KRT8: variants seen among roughly 807,000 people sequenced by gnomAD.
The protein encoded by KRT8 is keratin 8.
Under a neutral mutation model 43.0 loss-of-function variants are expected in KRT8, and 24 were observed. The observed-to-expected ratio is 0.56, with a 90% CI of 0.40 to 0.78. KRT8 has a LOEUF of 0.78. Among genes scored for constraint, KRT8 ranks in the 30% least tolerant of loss-of-function variants. The pLI is 0.00. For synonymous variants in KRT8, 214 were observed against 261.2 expected (o/e 0.82, Z 1.74); for missense variants, 492 against 638.4 (o/e 0.77, Z 2.47).
intron 3 of KRT8, 69 bp from the exon 4 acceptor site, chr12:52,900,752 G>A (rs918682056): frequency 1.8e-6 from 2 of 1,083,310 alleles, no homozygotes; most frequent in Admixed American, 1.7e-5. Context: ...GGCTCCCAAG[G>A]TCCACCCAAT....
chr12:52,900,514 C>A, intron 4 of KRT8, 74 bp downstream of exon 4: 1 of 921,786 alleles, frequency 1.1e-6, no homozygotes. Flanking sequence ...CTGGGAGGAG[C>A]CTCTGGTTGA....
Position 52,901,363 on chromosome 12 carries a change from C to T in KRT8, c.534-144G>A, listed in dbSNP as rs969757163. Reference sequence around the variant, plus strand: ...TGAGAAGGCTGGTCCTTCTGCCTTCCCCAGCTGCCCTCTCCACCCTCACCC... The same window carrying T: ...TGAGAAGGCTGGTCCTTCTGCCTTCTCCAGCTGCCCTCTCCACCCTCACCC... On this transcript the variant is annotated intron_variant, in intron 2 of 7. Coordinates refer to ENST00000692008, the Ensembl canonical transcript of KRT8. The T allele has an allele frequency of 2.2e-5, 16 of 712,368 alleles. No homozygotes were observed. In the African/African-American group the frequency reaches 2.4e-4, roughly 11 times the overall value. 44.1% of individuals were successfully genotyped at this position (712,368 alleles called of 1,614,324 possible).
chr12:52,941,227 C>G (rs74089285), intron 2 of KRT8, among the ~76,000 whole-genome samples: 3 of 151,548 alleles, frequency 2.0e-5, no homozygotes, highest in African/African-American at 2.4e-5. Context: ...CCACCACGCC[C>G]GTCTATAAAT....
chr12:52,949,680 C>A, intron 1 of KRT8: 2 of 1,165,670 alleles, frequency 1.7e-6, no homozygotes, highest in Non-Finnish European at 2.6e-6. Context: ...CATAACCACC[C>A]AACCCCTACT....
intron 2 of KRT8, among the ~76,000 whole-genome samples, chr12:52,921,560 G>A (rs966436314): frequency 6.6e-6 from 1 of 151,938 alleles, no homozygotes; most frequent in African/African-American, 2.4e-5. Context: ...CTTATGCAGT[G>A]CACAGGCCCA....
intron 2 of KRT8, among the ~76,000 whole-genome samples, chr12:52,918,221 A>AAGAAGAAGG (rs1941811611): frequency 1.5e-5 from 2 of 135,680 alleles, no homozygotes; most frequent in Non-Finnish European, 3.5e-5. Flanking sequence ...GAAGAAGAAG[A>AAGAAGAAGG]AGAAGAAGAA....
intron 2 of KRT8, among the ~76,000 whole-genome samples, chr12:52,920,688 C>T (rs1042540829): frequency 6.6e-6 from 1 of 152,166 alleles, no homozygotes; most frequent in Admixed American, 6.6e-5. Context: ...AGACATCTAA[C>T]AGGCACTCCA....
At chr12:52,925,529 T>A (rs1175911353) in intron 2 of KRT8, among the ~76,000 whole-genome samples, 2 of 152,140 alleles carry the variant, frequency 1.3e-5, no homozygotes, top group Non-Finnish European at 2.9e-5. Flanking sequence ...CCTTGCCCCA[T>A]TGATACCTGA....
At position 52,914,252 on chromosome 12, in the gene KRT8, AT is replaced by A. The variant is rs201574134; in HGVS notation, c.-46-9226del. On this transcript the variant is annotated intron_variant, in intron 2 of 6. Transcript: ENST00000546826. ...ATAAAACAAACAAAACAAAAAAAAA[AT>A]CCACCGGGTGCAGTGGCTCACGCCT... Among the ~76,000 whole-genome samples, 741 of 150,978 alleles carry A rather than the reference AT, an allele frequency of 4.9e-3. 6 individuals are homozygous for A. The highest frequency in any genetic ancestry group is 0.018 in the African/African-American group (720 of 41,058).
At chr12:52,900,962 A>T (rs184664122) in intron 3 of KRT8, 197 bp downstream of exon 3, 217 of 657,826 alleles carry the variant, frequency 3.3e-4, no homozygotes, top group Non-Finnish European at 5.1e-4. Context: ...CCATGTCCCA[A>T]CACCGATGTC....
exon 4 of KRT8, chr12:52,900,660 G>T: frequency 6.2e-7 from 1 of 1,612,842 alleles, no homozygotes; most frequent in South Asian, 1.1e-5. Flanking sequence ...GCTCTACCTT[G>T]TTCATGTAAG....
chr12:52,924,523 G>T (rs2120674092), intron 2 of KRT8, among the ~76,000 whole-genome samples: 1 of 151,568 alleles, frequency 6.6e-6, no homozygotes, highest in East Asian at 1.9e-4. Flanking sequence ...AAATTAGATT[G>T]AGGCTGCAGT....
intron 2 of KRT8, 154 bp from the exon 3 acceptor site, chr12:52,901,373 C>T (rs1215600886): frequency 4.3e-6 from 3 of 695,014 alleles, no homozygotes; most frequent in African/African-American, 3.5e-5. Flanking sequence ...CCCAGCTGCC[C>T]TCTCCACCCT....
intron 2 of KRT8, chr12:52,926,410 A>G: frequency 2.0e-6 from 3 of 1,514,682 alleles, no homozygotes; most frequent in Non-Finnish European, 2.6e-6. Context: ...TTGAAACCTT[A>G]CCCTTCCTGC....
At chr12:52,914,258 C>T (rs931308344) in intron 2 of KRT8, among the ~76,000 whole-genome samples, 2 of 151,310 alleles carry the variant, frequency 1.3e-5, no homozygotes, top group South Asian at 2.1e-4. Context: ...AAAAATCCAC[C>T]GGGTGCAGTG....
chr12:52,948,768 G>C, intron 2 of KRT8: 4 of 408,772 alleles, frequency 9.8e-6, no homozygotes, highest in Non-Finnish European at 1.3e-5. Context: ...GAGATTACAG[G>C]CGTGAGCCAC....
At chr12:52,927,193 G>A (rs1942008645) in intron 2 of KRT8, among the ~76,000 whole-genome samples, 1 of 152,140 alleles carries the variant, frequency 6.6e-6, no homozygotes, top group African/African-American at 2.4e-5. Flanking sequence ...TTCAGGACAG[G>A]AAGACCCCTT....
intron 1 of KRT8, 140 bp from the exon 2 acceptor site, chr12:52,902,212 G>A (rs1258080821): frequency 3.0e-6 from 2 of 663,494 alleles, no homozygotes; most frequent in Non-Finnish European, 5.4e-6. Context: ...AGCTGTTCTG[G>A]AAAGATCACC....
intron 2 of KRT8, among the ~76,000 whole-genome samples, chr12:52,937,513 C>A (rs191261932): frequency 6.6e-6 from 1 of 151,624 alleles, no homozygotes; most frequent in Non-Finnish European, 1.5e-5. Flanking sequence ...CATGGCAAAA[C>A]CCTGTCTCTA....
Sources: allele counts gnomAD v4.1 joint callset (sites outside exome capture counted in the v4.1 genomes callset), GRCh38; gene constraint gnomAD v4.1.1; transcripts MANE v1.5; gene names NCBI Gene and HGNC (gene_info 2026-07-23, HGNC 2026-07-21).